TNNI3K: variants seen among roughly 807,000 people sequenced by gnomAD.
The protein encoded by TNNI3K is serine/threonine-protein kinase TNNI3K.
Under a neutral mutation model 114.5 loss-of-function variants are expected in TNNI3K, and 140 were observed. That is an observed-to-expected ratio of 1.22 (90% CI 1.07 to 1.41). The LOEUF (loss-of-function observed/expected upper bound fraction) is 1.41. TNNI3K is among the 40% of genes most tolerant of loss of function. The pLI is 0.00. For missense variants in TNNI3K, 1,125 were observed against 1,007.6 expected (o/e 1.12, Z -1.58); for synonymous variants, 347 against 347.5 (o/e 1.00, Z 0.02).
intron 2 of TNNI3K, among the ~76,000 whole-genome samples, chr1:74,242,157 T>G (rs1239496516): frequency 6.6e-6 from 1 of 152,070 alleles, no homozygotes; most frequent in Non-Finnish European, 1.5e-5. Context: ...CCCAGAAAAG[T>G]TGTAATTTTT....
At chr1:74,539,314 G>C (rs1435081819) in intron 23 of TNNI3K, among the ~76,000 whole-genome samples, 1 of 152,188 alleles carries the variant, frequency 6.6e-6, no homozygotes, top group Non-Finnish European at 1.5e-5. Flanking sequence ...ACTGGCTTGG[G>C]TGCTGGGAGA....
At chr1:74,436,284 C>T in intron 18 of TNNI3K, 152 bp downstream of exon 18, 2 of 1,238,776 alleles carry the variant, frequency 1.6e-6, no homozygotes, top group Non-Finnish European at 2.2e-6. Flanking sequence ...ATTCAAATTT[C>T]AATGACCCTA....
intron 17 of TNNI3K, among the ~76,000 whole-genome samples, chr1:74,402,902 G>A (rs1664442321): frequency 6.6e-6 from 1 of 152,050 alleles, no homozygotes; most frequent in Admixed American, 6.5e-5. Context: ...GCTATCATTA[G>A]TGTTAGTGTA....
chr1:74,251,320 T>C (rs1654912311), intron 4 of TNNI3K, among the ~76,000 whole-genome samples: 2 of 152,212 alleles, frequency 1.3e-5, no homozygotes, highest in African/African-American at 4.8e-5. Flanking sequence ...ATACTTAGTG[T>C]TGGAATTGAA....
Position 74,249,534 on chromosome 1 carries a change from C to T in TNNI3K, c.225C>T (p.Cys75=), listed in dbSNP as rs1654797805. The part of the protein sequence containing the change: ...ENGLSLLHLC[C]ICGGKKSHIR... ...GGCTGTCTCTACTTCATTTATGTTGCATTTGTGGAGGTGAGTACTTGAAAC... is the reference window on the plus strand; with the variant it reads ...GGCTGTCTCTACTTCATTTATGTTGTATTTGTGGAGGTGAGTACTTGAAAC... The change falls in exon 3 of 25, where the codon TGC becomes TGT. Residue 75 remains cysteine (C), a synonymous_variant. Transcript: ENST00000326637. 1 of 1,613,042 alleles carries T rather than the reference C, an allele frequency of 6.2e-7. No homozygotes were observed. The highest frequency in any genetic ancestry group is 2.2e-5 in the East Asian group (1 of 44,770).
In TNNI3K at chr1:74,306,182, C is replaced by T. The variant is rs530253183; in HGVS notation, c.445-25268C>T. Among the ~76,000 whole-genome samples, 68 of 152,164 alleles carry T rather than the reference C, an allele frequency of 4.5e-4. 1 individual carries two copies. Among genetic ancestry groups the T allele is most frequent in the Non-Finnish European group, 1.3e-4 (9 of 68,004 alleles). ...CTTAATTCACTTAAGATATGGCCTC[C>T]AGCTCCATCCATGTTGCTGCAGAGG... On this transcript the variant is annotated intron_variant, in intron 5 of 24. Transcript: ENST00000326637.
At chr1:74,306,532 C>T (rs571598115) in intron 5 of TNNI3K, among the ~76,000 whole-genome samples, 4 of 152,274 alleles carry the variant, frequency 2.6e-5, no homozygotes, top group African/African-American at 9.6e-5. Context: ...GCGTCCATGC[C>T]AACATGTGTT....
chr1:74,328,743 C>G (rs1660045550), intron 5 of TNNI3K, among the ~76,000 whole-genome samples: 1 of 151,988 alleles, frequency 6.6e-6, no homozygotes, highest in South Asian at 2.1e-4. Flanking sequence ...AAAAAAATGG[C>G]TTTAAACTGT....
chr1:74,470,859 A>G (rs1667892444), intron 21 of TNNI3K: 3 of 400,628 alleles, frequency 7.5e-6, no homozygotes, highest in Non-Finnish European at 4.4e-6. Flanking sequence ...GGGACAAAGA[A>G]AACTGATTTA....
At chr1:74,270,910 C>A (rs1179522065) in intron 4 of TNNI3K, among the ~76,000 whole-genome samples, 2 of 151,264 alleles carry the variant, frequency 1.3e-5, no homozygotes, top group Non-Finnish European at 3.0e-5. Context: ...TCATGTATCT[C>A]CAAAGGCAGA....
intron 5 of TNNI3K, among the ~76,000 whole-genome samples, chr1:74,326,991 G>A (rs1371344059): frequency 6.6e-6 from 1 of 150,782 alleles, no homozygotes; most frequent in Non-Finnish European, 1.5e-5. Context: ...TGAGGCAGGA[G>A]AATTGCTTAA....
intron 2 of TNNI3K, among the ~76,000 whole-genome samples, chr1:74,238,913 C>A (rs756531099): frequency 1.3e-5 from 2 of 152,024 alleles, no homozygotes; most frequent in Non-Finnish European, 2.9e-5. Flanking sequence ...TGACTCCACC[C>A]TTTATCATGT....
At chr1:74,333,705 C>G (rs1660329148) in intron 6 of TNNI3K, among the ~76,000 whole-genome samples, 1 of 152,074 alleles carries the variant, frequency 6.6e-6, no homozygotes, top group Non-Finnish European at 1.5e-5. Flanking sequence ...TATAAATGTA[C>G]CTAATGTGCC....
intron 9 of TNNI3K, among the ~76,000 whole-genome samples, chr1:74,349,565 C>A (rs542301981): frequency 6.6e-6 from 1 of 152,152 alleles, no homozygotes; most frequent in Admixed American, 6.5e-5. Flanking sequence ...CCTCCTTGTA[C>A]CTCTGGTAGA....
intron 23 of TNNI3K, among the ~76,000 whole-genome samples, chr1:74,532,154 A>T (rs982084661): frequency 3.9e-5 from 6 of 152,318 alleles, no homozygotes; most frequent in African/African-American, 1.2e-4. Flanking sequence ...GAGGGTTGAG[A>T]GGAATAATAA....
chr1:74,370,666 G>A (rs1662547780), intron 17 of TNNI3K: 1 of 242,216 alleles, frequency 4.1e-6, no homozygotes, highest in Admixed American at 5.5e-5. Flanking sequence ...TAGTTCCCAG[G>A]TCAGTAAGGT....
At chr1:74,294,486 C>A (rs1657862911) in intron 5 of TNNI3K, among the ~76,000 whole-genome samples, 1 of 151,962 alleles carries the variant, frequency 6.6e-6, no homozygotes, top group South Asian at 2.1e-4. Context: ...CTAACTCTCT[C>A]CTCAGTGATG....
At chr1:74,393,462 A>G (rs1225320076) in intron 17 of TNNI3K, among the ~76,000 whole-genome samples, 2 of 152,228 alleles carry the variant, frequency 1.3e-5, no homozygotes, top group East Asian at 1.9e-4. Flanking sequence ...CTTGTGTTCA[A>G]GCACCTGAAA....
chr1:74,302,441 A>G (rs565957723), intron 5 of TNNI3K, among the ~76,000 whole-genome samples: 8 of 152,364 alleles, frequency 5.3e-5, no homozygotes, highest in Admixed American at 2.0e-4. Context: ...AATTAAGGTC[A>G]GTGAGAAAGA....
Sources: allele counts gnomAD v4.1 joint callset (sites outside exome capture counted in the v4.1 genomes callset), GRCh38; gene constraint gnomAD v4.1.1; transcripts MANE v1.5; gene names NCBI Gene and HGNC (gene_info 2026-07-23, HGNC 2026-07-21).